Variants in MCTP2 observed in about 807,000 individuals in gnomAD.
MCTP2 encodes the protein multiple C2 and transmembrane domain-containing protein 2.
MCTP2 carries 132 observed loss-of-function variants against 111.6 expected under a neutral mutation model. The ratio of observed to expected loss-of-function variants is 1.18; its 90% confidence interval spans 1.03 to 1.37. The LOEUF is 1.37. MCTP2 is among the 40% of genes most tolerant of loss of function. The probability of loss-of-function intolerance (pLI) is 0.00; values close to 1 mark genes in which losing one functional copy is unlikely to be tolerated. For missense variants in MCTP2, 1,183 were observed against 1,067.9 expected, an observed-to-expected ratio of 1.11 and a Z score of -1.50; for synonymous variants, 395 against 387.7, an observed-to-expected ratio of 1.02 and a Z score of -0.22.
At chr15:94,421,624 G>A (rs921230204) in intron 17 of MCTP2, among the ~76,000 whole-genome samples, 2 of 152,142 alleles carry the variant, frequency 1.3e-5, no homozygotes, top group South Asian at 2.1e-4. Context: ...AGGGAAGATC[G>A]TTGAGTTCTC....
At chr15:94,391,206 AT>A (rs1181496564) in intron 14 of MCTP2, among the ~76,000 whole-genome samples, 2 of 152,026 alleles carry the variant, frequency 1.3e-5, no homozygotes, top group Non-Finnish European at 2.9e-5. Flanking sequence ...CACTTAATTG[AT>A]TTACTGGGAC....
chr15:94,252,568 A>G (rs1160830773), intron 1 of MCTP2, among the ~76,000 whole-genome samples: 2 of 151,970 alleles, frequency 1.3e-5, no homozygotes, highest in African/African-American at 4.8e-5. Context: ...TGATCCCCTC[A>G]TGAGGTGACA....
chr15:94,416,343 T>G (rs535234793), intron 17 of MCTP2, among the ~76,000 whole-genome samples: 35 of 152,208 alleles, frequency 2.3e-4, no homozygotes, highest in African/African-American at 8.2e-4. Context: ...TCATCCTGTA[T>G]AAAGCTGTCA....
rs923697630 is a variant in MCTP2, at chr15:94,483,895, G to T, written c.*4861G>T. ...AAACCTGCCTCTCATTTATGTATTA[G>T]GAATCTTGTGACAACGGAACAGTTG... On this transcript the variant is annotated 3_prime_UTR_variant, in exon 23 of 23. Coordinates refer to ENST00000357742, the MANE Select transcript of MCTP2 (RefSeq NM_001385001.1). 1 of 152,078 alleles carries T rather than the reference G, an allele frequency of 6.6e-6. No individual in the cohort carries two copies. Among genetic ancestry groups the T allele is most frequent in the Non-Finnish European group, 1.5e-5 (1 of 68,004 alleles). The allele number at this position is 152,078 out of a possible 1,614,324, so 9.4% of individuals were successfully genotyped here. A position where few individuals can be genotyped will look rare whatever the true frequency, so the allele number is the denominator to read the frequency against.
intron 1 of MCTP2, among the ~76,000 whole-genome samples, chr15:94,295,257 G>A (rs1353146097): frequency 1.4e-5 from 2 of 145,980 alleles, no homozygotes; most frequent in Non-Finnish European, 3.0e-5. Context: ...GCCGGGACTG[G>A]GTATTTTTAA....
At position 94,402,111 on chromosome 15, in the gene MCTP2, GGGTTGTCTTTCTAAGACAGTACTTA is replaced by G. The variant is rs2081627109; in HGVS notation, c.2085+96_2085+120del. The G allele has an allele frequency of 6.8e-6, 10 of 1,477,474 alleles. No individual in the cohort carries two copies. In the South Asian group the frequency reaches 1.4e-4, roughly 20 times the overall value. 91.5% of individuals were successfully genotyped at this position (1,477,474 alleles called of 1,614,324 possible). ...TATTACAGCGTAGGTGATTACGTGG[GGGTTGTCTTTCTAAGACAGTACTTA>G]GGTCAAATTTACCTGGGAAACCCCT... On this transcript the variant is annotated intron_variant, in intron 17 of 22. Transcript: ENST00000357742.
intron 19 of MCTP2, among the ~76,000 whole-genome samples, chr15:94,452,666 C>A (rs2084536352): frequency 6.6e-6 from 1 of 152,154 alleles, no homozygotes. Flanking sequence ...ACAGCCGGGT[C>A]TTATCTGTTG....
intron 2 of MCTP2, 113 bp from the exon 3 acceptor site, chr15:94,314,169 G>T (rs2076274436): frequency 1.4e-6 from 1 of 692,558 alleles, no homozygotes. Context: ...CCTCACTGAA[G>T]CTGCATATGC....
At chr15:94,455,263 A>ATGTT (rs1489763421) in intron 19 of MCTP2, among the ~76,000 whole-genome samples, 2 of 152,232 alleles carry the variant, frequency 1.3e-5, no homozygotes, top group Non-Finnish European at 2.9e-5. Context: ...TTGTCTTAAA[A>ATGTT]TGTTTGACAG....
intron 14 of MCTP2, among the ~76,000 whole-genome samples, chr15:94,393,628 G>A (rs2152466864): frequency 6.6e-6 from 1 of 152,272 alleles, no homozygotes; most frequent in African/African-American, 2.4e-5. Context: ...ATCAGATATT[G>A]AAGACAAAGG....
chr15:94,388,333 G>A (rs1425513477), intron 14 of MCTP2, among the ~76,000 whole-genome samples: 1 of 152,164 alleles, frequency 6.6e-6, no homozygotes, highest in African/African-American at 2.4e-5. Flanking sequence ...TGTTCACTCT[G>A]TTTCAATCCA....
intron 21 of MCTP2, among the ~76,000 whole-genome samples, chr15:94,475,741 G>A (rs187667638): frequency 2.6e-5 from 4 of 152,212 alleles, no homozygotes; most frequent in Non-Finnish European, 5.9e-5. Context: ...TATGAGCTCC[G>A]GATATAGTCA....
In MCTP2 at chr15:94,384,124, T is replaced by G; in HGVS notation, c.1685T>G (p.Phe562Cys). The change falls in exon 13 of 23, where the codon TTT becomes TGT. Residue 562 changes from phenylalanine (F) to cysteine (C), a missense_variant and splice_region_variant. Transcript: ENST00000357742. ...CCTGAATGGAACAAAGTTTTTACAT[T>G]GTAAGTGCTTTAGCCTCTGGAATTA... ...LNPEWNKVFT[F>C]PIKDIHDVLE... 1 of 1,605,618 alleles carries G rather than the reference T, an allele frequency of 6.2e-7. No individual in the cohort carries two copies. The highest frequency in any genetic ancestry group is 8.5e-7 in the Non-Finnish European group (1 of 1,172,866).
chr15:94,294,226 C>T (rs908177154), intron 1 of MCTP2, among the ~76,000 whole-genome samples: 39 of 152,236 alleles, frequency 2.6e-4, no homozygotes, highest in African/African-American at 9.1e-4. Flanking sequence ...CCTGGGAGCG[C>T]GTGATCCTTT....
At chr15:94,280,671 T>C (rs774357591) in intron 1 of MCTP2, among the ~76,000 whole-genome samples, 4 of 152,158 alleles carry the variant, frequency 2.6e-5, no homozygotes, top group Admixed American at 2.0e-4. Context: ...CCAGTTCCTC[T>C]AAGTGTGATG....
intron 20 of MCTP2, among the ~76,000 whole-genome samples, chr15:94,468,472 A>G (rs116580878): frequency 6.6e-6 from 1 of 151,968 alleles, no homozygotes; most frequent in Non-Finnish European, 1.5e-5. Flanking sequence ...CCTAAATAAT[A>G]GCCCCAGGCC....
chr15:94,464,244 A>ATATATATTT (rs1555481342), intron 20 of MCTP2, among the ~76,000 whole-genome samples: 1 of 60,428 alleles, frequency 1.7e-5, no homozygotes, highest in East Asian at 3.6e-4. Flanking sequence ...TATATAATAT[A>ATATATATTT]TATATATATA....
In MCTP2 at chr15:94,480,082, C is replaced by T. The variant is rs920446895; in HGVS notation, c.*1048C>T. ...ACCCCATTTCTAGAAAATACCACCC[C>T]AGAGTCCTCATTTGATAGCATCTGT... On this transcript the variant is annotated 3_prime_UTR_variant, in exon 23 of 23. Transcript: ENST00000357742. 2 of 152,108 alleles carry T rather than the reference C, an allele frequency of 1.3e-5. No homozygotes were observed. The highest frequency in any genetic ancestry group is 1.9e-4 in the East Asian group (1 of 5,196). The allele number at this position is 152,108 out of a possible 1,614,324, so 9.4% of individuals were successfully genotyped here.
In MCTP2 at chr15:94,418,493, G is replaced by A. The variant is rs74758770; in HGVS notation, c.2085+16474G>A. On this transcript the variant is annotated intron_variant, in intron 17 of 22. Coordinates refer to ENST00000357742, the MANE Select transcript of MCTP2 (RefSeq NM_001385001.1). ...CTCAATTACCACCTTCTGCAAAGACGTATAATGAGAAATTTATTGTCTGAT... is the reference window on the plus strand; with the variant it reads ...CTCAATTACCACCTTCTGCAAAGACATATAATGAGAAATTTATTGTCTGAT... Among the ~76,000 whole-genome samples, 433 of 152,160 alleles carry A rather than the reference G, an allele frequency of 2.8e-3. 1 individual carries two copies. The highest frequency in any genetic ancestry group is 9.8e-3 in the African/African-American group (405 of 41,532).
Sources: gnomAD v4.1 joint callset for allele counts (sites outside exome capture counted in the v4.1 genomes callset) on GRCh38, gnomAD v4.1.1 for gene constraint, MANE v1.5 for transcripts, NCBI Gene and HGNC (gene_info 2026-07-23, HGNC 2026-07-21) for gene names.